AXIN1: variants seen among roughly 807,000 people sequenced by gnomAD.
The protein encoded by AXIN1 is axin-1.
In AXIN1, 30 loss-of-function variants were observed where a neutral mutation model predicts 76.4. The ratio of observed to expected loss-of-function variants is 0.39; its 90% confidence interval spans 0.29 to 0.53. The LOEUF (loss-of-function observed/expected upper bound fraction) is 0.53, where lower values mean the gene tolerates loss of function less well. Among genes scored for constraint, AXIN1 ranks in the 20% least tolerant of loss-of-function variants. The pLI, the probability that AXIN1 is intolerant of heterozygous loss-of-function variation, is 0.66. For missense variants in AXIN1, 1,140 were observed against 1,198.8 expected (o/e 0.95, Z 0.72); for synonymous variants, 545 against 501.4 (o/e 1.09, Z -1.16).
chr16:332,776 G>A (rs948081171), intron 2 of AXIN1, among the ~76,000 whole-genome samples: 3 of 151,558 alleles, frequency 2.0e-5, no homozygotes, highest in African/African-American at 4.9e-5. Context: ...CAAAATATAT[G>A]AAAGATTTAA....
chr16:300,285 G>T (rs748239636), intron 5 of AXIN1, among the ~76,000 whole-genome samples: 2 of 151,390 alleles, frequency 1.3e-5, no homozygotes, highest in Admixed American at 1.3e-4. Context: ...ACCTCCAGGG[G>T]TCAAGCGATC....
intron 1 of AXIN1, among the ~76,000 whole-genome samples, chr16:349,268 C>T (rs527622979): frequency 2.6e-5 from 4 of 152,166 alleles, no homozygotes; most frequent in African/African-American, 9.7e-5. Flanking sequence ...CAGGAACACA[C>T]AGCTTCTAAA....
chr16:310,308 C>G (rs561178597), intron 3 of AXIN1, among the ~76,000 whole-genome samples: 62 of 152,208 alleles, frequency 4.1e-4, no homozygotes, highest in Non-Finnish European at 6.3e-4. Flanking sequence ...ACGCGTCTTC[C>G]TAGCTGGTAT....
At chr16:335,359 A>C (rs547985387) in intron 2 of AXIN1, among the ~76,000 whole-genome samples, 109 of 152,258 alleles carry the variant, frequency 7.2e-4, no homozygotes, top group African/African-American at 2.5e-3. Context: ...ATAACACAGC[A>C]CACAGTACCA....
chr16:324,775 A>G (rs2053542430), intron 2 of AXIN1, among the ~76,000 whole-genome samples: 1 of 152,166 alleles, frequency 6.6e-6, no homozygotes, highest in Non-Finnish European at 1.5e-5. Flanking sequence ...CCCCCGGAAC[A>G]GCACAGCCAG....
intron 1 of AXIN1, 138 bp from the exon 2 acceptor site, chr16:347,244 C>A: frequency 1.2e-6 from 1 of 821,764 alleles, no homozygotes; most frequent in Non-Finnish European, 1.9e-6. Context: ...AATGTTCAAT[C>A]AAGATATATT....
intron 2 of AXIN1, among the ~76,000 whole-genome samples, chr16:344,572 T>C (rs2053997543): frequency 6.6e-6 from 1 of 151,144 alleles, no homozygotes; most frequent in Non-Finnish European, 1.5e-5. Context: ...CACTGCAACC[T>C]CTGCCTCCCA....
intron 5 of AXIN1, among the ~76,000 whole-genome samples, chr16:302,284 G>A (rs1305032287): frequency 6.6e-6 from 1 of 152,232 alleles, no homozygotes; most frequent in Non-Finnish European, 1.5e-5. Context: ...GGTGAACTTG[G>A]CACCTGCAGA....
rs144962210 is a variant in AXIN1 at position 305,574 on chromosome 16, C to T, written c.1117-1133G>A. Among the ~76,000 whole-genome samples the T allele has an allele frequency of 2.1e-3, 321 of 152,194 alleles. 3 individuals are homozygous for T. Among genetic ancestry groups the T allele is most frequent in the African/African-American group, 7.1e-3 (293 of 41,510 alleles). On this transcript the variant is annotated intron_variant, in intron 4 of 10. Transcript: ENST00000262320. ...TGTTTTTGTTTTTGAGACAGGGTCTCGCTCTGTCACCCAGGCTGGAGTGTA... is the reference window on the plus strand; with the variant it reads ...TGTTTTTGTTTTTGAGACAGGGTCTTGCTCTGTCACCCAGGCTGGAGTGTA...
At position 333,035 on chromosome 16, in the gene AXIN1, A is replaced by G. The variant is rs146021903; in HGVS notation, c.878+13113T>C. ...CCTTGTCTCTACAAAAAACTGTAAA[A>G]AAATATTAGCGAGGTGGGCCGGGTG... On this transcript the variant is annotated intron_variant, in intron 2 of 10. Coordinates refer to ENST00000262320, the MANE Select transcript of AXIN1 (RefSeq NM_003502.4). 6.7e-3 allele frequency among the ~76,000 whole-genome samples: 1,025 copies of G among 152,180 alleles called. 20 individuals carry two copies. Among genetic ancestry groups the G allele is most frequent in the African/African-American group, 0.023 (946 of 41,486 alleles).
intron 5 of AXIN1, chr16:299,148 A>C (rs545391988): frequency 2.0e-6 from 2 of 985,468 alleles, no homozygotes; most frequent in East Asian, 2.3e-4. Flanking sequence ...ACGAGCTTCC[A>C]CATGAAGCCG....
intron 5 of AXIN1, among the ~76,000 whole-genome samples, chr16:300,205 G>A (rs2052834209): frequency 6.6e-6 from 1 of 152,142 alleles, no homozygotes; most frequent in Admixed American, 6.6e-5. Flanking sequence ...GCCTCCCAAA[G>A]TGCTAGGATT....
chr16:303,588 G>T (rs574164987), intron 5 of AXIN1, among the ~76,000 whole-genome samples: 4 of 151,650 alleles, frequency 2.6e-5, no homozygotes, highest in African/African-American at 4.8e-5. Flanking sequence ...CACCATTTTG[G>T]CCAGGCTGGT....
chr16:297,084 TCTC>T lies in AXIN1; in HGVS notation c.1924_1926del (p.Glu642del), dbSNP rs2052731336. ...TGGCCGGTCCTGCGGTGCCTGCTGATCTCCTTTTCCCCCTCAATGATCCACTGC... is the reference window on the plus strand; with the variant it reads ...TGGCCGGTCCTGCGGTGCCTGCTGATCTTTTCCCCCTCAATGATCCACTGC... On this transcript the variant is annotated inframe_deletion, in exon 7 of 11. Transcript: ENST00000262320. 2 of 1,612,368 alleles carry T rather than the reference TCTC, an allele frequency of 1.2e-6. No homozygotes were observed. The highest frequency in any genetic ancestry group is 1.7e-6 in the Non-Finnish European group (2 of 1,179,900).
intron 2 of AXIN1, among the ~76,000 whole-genome samples, chr16:328,314 G>C (rs538098473): frequency 1.2e-3 from 179 of 151,434 alleles, no homozygotes; most frequent in African/African-American, 4.3e-3. Context: ...GATCGCCTGA[G>C]CCCAGGAGGC....
intron 3 of AXIN1, among the ~76,000 whole-genome samples, chr16:311,519 C>T (rs1480703588): frequency 5.3e-5 from 8 of 151,740 alleles, no homozygotes. Flanking sequence ...TGCCTGTCAT[C>T]CCAGCACTGT....
chr16:301,549 G>A (rs190002871), intron 5 of AXIN1, among the ~76,000 whole-genome samples: 11 of 152,292 alleles, frequency 7.2e-5, no homozygotes, highest in Non-Finnish European at 1.5e-4. Context: ...CCAGCACTTC[G>A]GGAAGCTGAG....
At chr16:307,046 G>A (rs1021293473) in intron 4 of AXIN1, among the ~76,000 whole-genome samples, 2 of 152,266 alleles carry the variant, frequency 1.3e-5, no homozygotes, top group African/African-American at 2.4e-5. Context: ...AGGCGCAGAC[G>A]TGGGAGTGGC....
intron 2 of AXIN1, among the ~76,000 whole-genome samples, chr16:320,952 C>A (rs190950855): frequency 2.2e-3 from 335 of 152,006 alleles, no homozygotes; most frequent in East Asian, 2.9e-3. Context: ...GTTGGTCAGG[C>A]TGGTCTCGAA....
Sources: allele counts gnomAD v4.1 joint callset (sites outside exome capture counted in the v4.1 genomes callset), GRCh38; gene constraint gnomAD v4.1.1; transcripts MANE v1.5; gene names NCBI Gene and HGNC (gene_info 2026-07-23, HGNC 2026-07-21).